The following PHRF1 variants were observed in gnomAD, a reference collection of about 807,000 sequenced individuals.
PHRF1 encodes PHD and RING finger domain-containing protein 1.
PHRF1 carries 53 observed loss-of-function variants against 128.9 expected under a neutral mutation model. That is an observed-to-expected ratio of 0.41 (90% CI 0.33 to 0.52). PHRF1 has a LOEUF of 0.52. PHRF1 is among the 20% of genes least tolerant of loss of function. PHRF1 has a pLI of 0.21. For synonymous variants in PHRF1, 1,178 were observed against 980.6 expected (o/e 1.20, Z -3.76); for missense variants, 2,503 against 2,284.5 (o/e 1.10, Z -1.95).
chr11:594,707 C>T (rs1855180915), intron 6 of PHRF1, among the ~76,000 whole-genome samples: 2 of 152,196 alleles, frequency 1.3e-5, no homozygotes, highest in South Asian at 4.1e-4. Context: ...ATTGATCCGC[C>T]CACCTCGGCC....
At chr11:611,611 G>T (rs375663325) in intron 17 of PHRF1, 23 bp from the exon 18 acceptor site, 1 of 1,612,600 alleles carries the variant, frequency 6.2e-7, no homozygotes, top group African/African-American at 1.3e-5. Context: ...AAGGGCATTT[G>T]GTGATTGCAC....
rs1212904400 is a variant in PHRF1 at position 585,680 on chromosome 11, C to CTTTTTTTT, written c.215-1568_215-1561dup. Among the ~76,000 whole-genome samples the CTTTTTTTT allele has an allele frequency of 1.1e-4, 8 of 70,354 alleles. 1 individual carries two copies. The highest frequency in any genetic ancestry group is 5.9e-4 in the African/African-American group (8 of 13,520). The allele number at this position is 70,354 out of a possible 152,430, so 46.2% of individuals were successfully genotyped here. A position where few individuals can be genotyped will look rare whatever the true frequency, so the allele number is the denominator to read the frequency against. On this transcript the variant is annotated intron_variant, in intron 3 of 17. Coordinates refer to ENST00000264555, the MANE Select transcript of PHRF1 (RefSeq NM_001286581.2). ...AGCTTGAGGTAGTAGCTCTTCAACT[C>CTTTTTTTT]TTTTTTTTTTTTTTTTTTGAGGTCG... is the stretch of plus-strand genomic sequence containing the variant.
chr11:581,912 T>G, intron 2 of PHRF1, 50 bp from the exon 3 acceptor site: 1 of 1,524,080 alleles, frequency 6.6e-7, no homozygotes, highest in Non-Finnish European at 8.8e-7. Flanking sequence ...TGCTCTCTGC[T>G]GCATGGTCTT....
chr11:588,513 G>A (rs1420212426), intron 4 of PHRF1, among the ~76,000 whole-genome samples: 1 of 151,938 alleles, frequency 6.6e-6, no homozygotes, highest in African/African-American at 2.4e-5. Flanking sequence ...CCGCGTAGCT[G>A]GAACTGTAGG....
At chr11:599,253 C>CTTTTTTTTTTTTTTTTTTTTTTTTT (rs754658303) in intron 9 of PHRF1, among the ~76,000 whole-genome samples, 12 of 104,982 alleles carry the variant, frequency 1.1e-4, no homozygotes, top group South Asian at 3.0e-4. Flanking sequence ...TTTTTCTTTT[C>CTTTTTTTTTTTTTTTTTTTTTTTTT]TTTTTTTTTT....
intron 5 of PHRF1, among the ~76,000 whole-genome samples, chr11:591,937 CAA>C (rs1854995326): frequency 1.4e-5 from 2 of 142,062 alleles, no homozygotes; most frequent in Admixed American, 7.1e-5. Context: ...TTTCCCGAGA[CAA>C]GAGTCTCGCT....
At position 609,628 on chromosome 11, in the gene PHRF1, C is replaced by G. The variant is rs777455240; in HGVS notation, c.4172C>G (p.Thr1391Ser). The change falls in exon 14 of 18, where the codon ACC becomes AGC. Residue 1391 changes from threonine to serine, a missense_variant. Coordinates refer to ENST00000264555, the MANE Select transcript of PHRF1 (RefSeq NM_001286581.2). ...AARPEEVVSQ[T>S]PLLRSRALVK... is the part of the protein sequence containing the mutation. ...CGGCCTGAGGAGGTGGTTTCGCAGA[C>G]CCCCCTGCTGCGGTCCAGAGCCCTG... is the stretch of plus-strand genomic sequence containing the variant. 2 of 1,580,796 alleles carry G rather than the reference C, an allele frequency of 1.3e-6. No homozygotes were observed. The highest frequency in any genetic ancestry group is 2.3e-5 in the East Asian group (1 of 43,186).
At chr11:589,052 C>T (rs1589868948) in intron 4 of PHRF1, among the ~76,000 whole-genome samples, 2 of 151,906 alleles carry the variant, frequency 1.3e-5, no homozygotes, top group East Asian at 3.9e-4. Flanking sequence ...AGGAGAATCA[C>T]TTGAACCTGG....
In PHRF1 at chr11:607,978, G is replaced by C. The variant is rs1351068237; in HGVS notation, c.2522G>C (p.Ser841Thr). Residue 841 changes from serine to threonine, a missense_variant, in exon 14 of 18, where the codon AGC becomes ACC. Transcript: ENST00000264555. ...DPSDPTGSDS[S>T]APGSSPERSG... ...TCCGACCCCACCGGCTCCGACTCCAGCGCCCCTGGCAGCAGCCCCGAGAGG... is the reference window on the plus strand; with the variant it reads ...TCCGACCCCACCGGCTCCGACTCCACCGCCCCTGGCAGCAGCCCCGAGAGG... The C allele has an allele frequency of 2.5e-6, 4 of 1,611,542 alleles. No individual in the cohort carries two copies. The highest frequency in any genetic ancestry group is 2.2e-5 in the South Asian group (2 of 91,072).
chr11:611,486 G>A (rs1227502607), intron 17 of PHRF1, 148 bp from the exon 18 acceptor site: 3 of 1,100,432 alleles, frequency 2.7e-6, no homozygotes, highest in Non-Finnish European at 3.8e-6. Context: ...CACATAGGTG[G>A]GGCGGCCTCT....
intron 6 of PHRF1, 122 bp from the exon 7 acceptor site, chr11:596,801 A>G (rs913221121): frequency 3.0e-5 from 23 of 773,402 alleles, no homozygotes; most frequent in Non-Finnish European, 4.2e-5. Context: ...GGGTCAGCCC[A>G]TAACAGAATG....
rs770436885 is a variant in PHRF1 at position 611,654 on chromosome 11, A to G, written c.4827A>G (p.Gly1609=). ...TCCAGATCTGCCACAGCAAGAGTGG[A>G]GAGATCAACCCCGTGAAGGTGGCCA... The part of the protein sequence containing the change: ...AVQKICHSKS[G]EINPVKVANL... The change falls in exon 18 of 18, where the codon GGA becomes GGG. Residue 1609 remains glycine (G), a synonymous_variant. Coordinates refer to ENST00000264555, the MANE Select transcript of PHRF1 (RefSeq NM_001286581.2). 6.2e-7 allele frequency: 1 copy of G among 1,613,146 alleles called. No homozygotes were observed. Among genetic ancestry groups the G allele is most frequent in the Non-Finnish European group, 8.5e-7 (1 of 1,179,832 alleles).
chr11:609,675 C>G lies in PHRF1; in HGVS notation c.4219C>G (p.Leu1407Val). The G allele has an allele frequency of 6.5e-7, 1 of 1,544,332 alleles. No individual in the cohort carries two copies. Among genetic ancestry groups the G allele is most frequent in the Non-Finnish European group, 8.7e-7 (1 of 1,148,440 alleles). The change falls in exon 14 of 18, where the codon CTG becomes GTG. Residue 1407 changes from leucine to valine, a missense_variant. By Grantham distance (32) the Leu-to-Val change is conservative. Coordinates refer to ENST00000264555, the MANE Select transcript of PHRF1 (RefSeq NM_001286581.2). ...CCTGGTGAAGCGGGTCACCTGGAAC[C>G]TGCAGGAGTCGGAGAGCAGCGCCCC... ...RALVKRVTWN[L>V]QESESSAPAE...
rs1252469776 is a variant in PHRF1 at position 611,500 on chromosome 11, G to A, written c.4807-134G>A. 34 of 1,294,366 alleles carry A rather than the reference G, an allele frequency of 2.6e-5. 1 individual carries two copies. Among genetic ancestry groups the A allele is most frequent in the South Asian group, 2.6e-4 (18 of 68,850 alleles). 80.2% of individuals were successfully genotyped at this position (1,294,366 alleles called of 1,614,324 possible). ...TCACATAGGTGGGGCGGCCTCTGCC[G>A]CCGTCTGTCTGCGTGCTGCACCTAG... is the stretch of plus-strand genomic sequence containing the variant. On this transcript the variant is annotated intron_variant, in intron 17 of 17. Transcript: ENST00000264555.
chr11:611,877 G>A lies in PHRF1; in HGVS notation c.*100G>A. 1.4e-6 allele frequency: 2 copies of A among 1,480,938 alleles called. No homozygotes were observed. The highest frequency in any genetic ancestry group is 2.6e-5 in the South Asian group (2 of 75,908). 91.7% of individuals were successfully genotyped at this position (1,480,938 alleles called of 1,614,324 possible). On this transcript the variant is annotated 3_prime_UTR_variant, in exon 18 of 18. Transcript: ENST00000264555. Reference sequence around the variant, plus strand: ...CGGGAGTGGCGGGAATCGGGGCCATGCCCGGGGAGCTGTCGGGAGTGGCGG... The same window carrying A: ...CGGGAGTGGCGGGAATCGGGGCCATACCCGGGGAGCTGTCGGGAGTGGCGG...
At chr11:588,472 CG>C (rs57379008) in intron 4 of PHRF1, among the ~76,000 whole-genome samples, 151 of 152,124 alleles carry the variant, frequency 9.9e-4, no homozygotes, top group African/African-American at 3.4e-3. Context: ...CTCCACCTTC[CG>C]GGTTCAAGCG....
rs777932957 is a variant in PHRF1, at chr11:606,519, C to T, written c.1532C>T (p.Ser511Leu). The T allele has an allele frequency of 2.1e-5, 34 of 1,609,482 alleles. No homozygotes were observed. Among genetic ancestry groups the T allele is most frequent in the Middle Eastern group, 1.7e-4 (1 of 6,016 alleles). ...PVPDLLGSIL[S>L]GQSLLMLGSS... ...CCTGACCTGCTGGGCAGCATCCTGT[C>T]GGGCCAGAGCCTCCTGATGCTGGGC... Residue 511 changes from serine (S) to leucine (L), a missense_variant, in exon 13 of 18, where the codon TCG becomes TTG. By Grantham distance (145) the Ser-to-Leu change is moderately radical. Coordinates refer to ENST00000264555, the MANE Select transcript of PHRF1 (RefSeq NM_001286581.2).
intron 13 of PHRF1, 162 bp downstream of exon 13, chr11:606,758 C>A (rs953788776): frequency 2.7e-5 from 30 of 1,112,306 alleles, no homozygotes; most frequent in Non-Finnish European, 3.6e-5. Context: ...TGAGCAGTTT[C>A]TCAGTTAGCT....
rs755892428 is a variant in PHRF1 at position 611,010 on chromosome 11, C to G, written c.4734C>G (p.Ile1578Met). The G allele has an allele frequency of 6.2e-7, 1 of 1,613,520 alleles. No homozygotes were observed. The highest frequency in any genetic ancestry group is 1.1e-5 in the South Asian group (1 of 91,072). ...CTGTGGAGGAGGTGAAGCTGGCCAT[C>G]AAGCCCTTCTACCAGAAGAGGGAGG... is the stretch of plus-strand genomic sequence containing the variant. The part of the protein sequence containing the change: ...ERAVEEVKLA[I>M]KPFYQKREVT... The change falls in exon 17 of 18, where the codon ATC becomes ATG. Residue 1578 changes from isoleucine to methionine, a missense_variant. Coordinates refer to ENST00000264555, the MANE Select transcript of PHRF1 (RefSeq NM_001286581.2).
Sources: gnomAD v4.1 joint callset for allele counts (sites outside exome capture counted in the v4.1 genomes callset) on GRCh38, gnomAD v4.1.1 for gene constraint, MANE v1.5 for transcripts, NCBI Gene and HGNC (gene_info 2026-07-23, HGNC 2026-07-21) for gene names.